The following DOK6 variants were observed in gnomAD, a reference collection of about 807,000 sequenced individuals.
The protein encoded by DOK6 is docking protein 6, also known as downstream of tyrosine kinase 6.
In DOK6, 22 loss-of-function variants were observed where a neutral mutation model predicts 44.0. That is an observed-to-expected ratio of 0.50 (90% CI 0.36 to 0.71). The LOEUF (loss-of-function observed/expected upper bound fraction) is 0.71, where lower values mean the gene tolerates loss of function less well. Ranked by LOEUF, DOK6 falls within the 30% of genes least tolerant of loss-of-function variation. The pLI, the probability that DOK6 is intolerant of heterozygous loss-of-function variation, is 0.00. For missense variants in DOK6, 340 were observed against 416.4 expected, an observed-to-expected ratio of 0.82 and a Z score of 1.60; for synonymous variants, 166 against 145.5, an observed-to-expected ratio of 1.14 and a Z score of -1.01.
At chr18:69,751,812 T>G (rs1979189164) in intron 6 of DOK6, among the ~76,000 whole-genome samples, 1 of 151,752 alleles carries the variant, frequency 6.6e-6, no homozygotes, top group Non-Finnish European at 1.5e-5. Context: ...CAGAGCAGCC[T>G]GGGCAACATA....
At chr18:69,421,323 A>G (rs1417422585) in intron 1 of DOK6, among the ~76,000 whole-genome samples, 4 of 152,174 alleles carry the variant, frequency 2.6e-5, no homozygotes, top group Admixed American at 6.5e-5. Context: ...GAATATTAAC[A>G]TTATTTAAGC....
chr18:69,526,164 C>G (rs1378071368), intron 1 of DOK6, among the ~76,000 whole-genome samples: 1 of 152,066 alleles, frequency 6.6e-6, no homozygotes, highest in African/African-American at 2.4e-5. Flanking sequence ...GTGCACCCAT[C>G]ACTACAATCA....
intron 7 of DOK6, among the ~76,000 whole-genome samples, chr18:69,810,478 A>AAATGGGATTACAAATGGGAT (rs1555672322): frequency 4.6e-5 from 7 of 152,068 alleles, no homozygotes; most frequent in Non-Finnish European, 8.8e-5. Context: ...GGATTACATC[A>AAATGGGATTACAAATGGGAT]AACTAATAAG....
chr18:69,583,348 G>A (rs190415545), intron 2 of DOK6, among the ~76,000 whole-genome samples: 201 of 152,236 alleles, frequency 1.3e-3, no homozygotes, highest in Non-Finnish European at 2.2e-3. Context: ...ATTAATCCAG[G>A]AATTAATTGC....
intron 1 of DOK6, among the ~76,000 whole-genome samples, chr18:69,472,493 G>T (rs1980142452): frequency 1.3e-5 from 2 of 152,126 alleles, no homozygotes; most frequent in Admixed American, 6.5e-5. Flanking sequence ...ATTGTTGTCT[G>T]TTCATTGTTG....
intron 1 of DOK6, among the ~76,000 whole-genome samples, chr18:69,471,115 G>A (rs1007058026): frequency 1.3e-5 from 2 of 151,188 alleles, no homozygotes; most frequent in East Asian, 3.9e-4. Flanking sequence ...CGGGCGTGGT[G>A]GCATATGCCT....
intron 1 of DOK6, among the ~76,000 whole-genome samples, chr18:69,544,384 A>C (rs890503322): frequency 1.3e-5 from 2 of 151,738 alleles, no homozygotes; most frequent in African/African-American, 2.4e-5. Flanking sequence ...ACAAGGAATA[A>C]AAGGTAATGA....
At chr18:69,590,628 AT>A (rs1568305193) in intron 2 of DOK6, among the ~76,000 whole-genome samples, 1 of 152,192 alleles carries the variant, frequency 6.6e-6, no homozygotes, top group African/African-American at 2.4e-5. Flanking sequence ...TGAAAATTTC[AT>A]TTTTAAGATG....
At chr18:69,815,178 A>G (rs1173787667) in intron 7 of DOK6, among the ~76,000 whole-genome samples, 2 of 152,138 alleles carry the variant, frequency 1.3e-5, no homozygotes, top group Non-Finnish European at 2.9e-5. Flanking sequence ...CACAAGGAAG[A>G]AAGAAGGGAG....
intron 1 of DOK6, among the ~76,000 whole-genome samples, chr18:69,460,431 G>A (rs1362562126): frequency 6.6e-6 from 1 of 151,960 alleles, no homozygotes; most frequent in East Asian, 1.9e-4. Flanking sequence ...ATATATTGAG[G>A]TATATTAATA....
At position 69,762,351 on chromosome 18, in the gene DOK6, T is replaced by G. The variant is rs1979588120; in HGVS notation, c.856+4478T>G. ...GTAAGACCCTGTCTTAAAAAAATAT[T>G]TTTTTAAAGTCTAGTTATTTTGAAT... On this transcript the variant is annotated intron_variant, in intron 7 of 7. Coordinates refer to ENST00000382713, the MANE Select transcript of DOK6 (RefSeq NM_152721.6). Among the ~76,000 whole-genome samples, 2 of 152,148 alleles carry G rather than the reference T, an allele frequency of 1.3e-5. 1 individual carries two copies. The highest frequency in any genetic ancestry group is 4.1e-4 in the South Asian group (2 of 4,830).
chr18:69,568,412 A>G (rs1213766686), intron 2 of DOK6, among the ~76,000 whole-genome samples: 1 of 152,190 alleles, frequency 6.6e-6, no homozygotes, highest in Non-Finnish European at 1.5e-5. Flanking sequence ...CAAAATACAA[A>G]AACAAAGAAG....
intron 6 of DOK6, among the ~76,000 whole-genome samples, chr18:69,743,085 G>A (rs1414411462): frequency 6.6e-6 from 1 of 152,176 alleles, no homozygotes; most frequent in Non-Finnish European, 1.5e-5. Flanking sequence ...CAATCTTAAG[G>A]AGTCTCTATA....
chr18:69,509,528 C>T (rs1283754846), intron 1 of DOK6, among the ~76,000 whole-genome samples: 2 of 150,414 alleles, frequency 1.3e-5, no homozygotes, highest in African/African-American at 2.5e-5. Context: ...GTCCCAGCTA[C>T]TCGGGAGGCC....
chr18:69,649,451 G>A (rs1444332314), intron 3 of DOK6, among the ~76,000 whole-genome samples: 1 of 152,064 alleles, frequency 6.6e-6, no homozygotes, highest in South Asian at 2.1e-4. Flanking sequence ...TGGATCCTAG[G>A]GTTGCCTCCC....
chr18:69,680,369 A>G (rs1242272717), intron 4 of DOK6, among the ~76,000 whole-genome samples: 1 of 152,194 alleles, frequency 6.6e-6, no homozygotes, highest in Non-Finnish European at 1.5e-5. Context: ...TGCCAAGGCC[A>G]CGGATACAGC....
chr18:69,530,118 G>A (rs577881189), intron 1 of DOK6, among the ~76,000 whole-genome samples: 19 of 152,214 alleles, frequency 1.2e-4, no homozygotes, highest in African/African-American at 2.6e-4. Context: ...ATCTTAGAGA[G>A]TACTAAACTG....
intron 1 of DOK6, among the ~76,000 whole-genome samples, chr18:69,478,037 A>G (rs959420601): frequency 2.0e-5 from 3 of 152,212 alleles, no homozygotes; most frequent in Admixed American, 6.5e-5. Flanking sequence ...AGATACAGAA[A>G]ATTACACTAA....
chr18:69,617,682 A>C (rs900838406), intron 3 of DOK6, among the ~76,000 whole-genome samples: 1 of 142,808 alleles, frequency 7.0e-6, no homozygotes, highest in Non-Finnish European at 1.6e-5. Flanking sequence ...AAGAAGAAAA[A>C]GAAAGAAAGA....
Sources: allele counts gnomAD v4.1 joint callset (sites outside exome capture counted in the v4.1 genomes callset), GRCh38; gene constraint gnomAD v4.1.1; transcripts MANE v1.5; gene names NCBI Gene and HGNC (gene_info 2026-07-23, HGNC 2026-07-21).